Variants in CAMK2D observed in about 807,000 individuals in gnomAD.
CAMK2D encodes the protein calcium/calmodulin-dependent protein kinase type II subunit delta.
In CAMK2D, 37 loss-of-function variants were observed where a neutral mutation model predicts 84.0. That is an observed-to-expected ratio of 0.44 (90% CI 0.34 to 0.58). The LOEUF is 0.58. CAMK2D is among the 20% of genes least tolerant of loss of function. The pLI is 0.02. For missense variants in CAMK2D, 448 were observed against 652.5 expected (o/e 0.69, Z 3.41); for synonymous variants, 202 against 212.5 (o/e 0.95, Z 0.43).
chr4:113,569,384 C>CA (rs2098741443), intron 4 of CAMK2D, among the ~76,000 whole-genome samples: 1 of 152,092 alleles, frequency 6.6e-6, no homozygotes, highest in African/African-American at 2.4e-5. Context: ...ACATTTAGGT[C>CA]TTTGATCCAT....
chr4:113,582,840 T>C (rs1037095312), intron 4 of CAMK2D, among the ~76,000 whole-genome samples: 3 of 152,214 alleles, frequency 2.0e-5, no homozygotes, highest in African/African-American at 7.2e-5. Flanking sequence ...GACCACAGCT[T>C]GCCGATAAAT....
At chr4:113,741,664 A>C (rs904019407) in intron 2 of CAMK2D, among the ~76,000 whole-genome samples, 1 of 152,122 alleles carries the variant, frequency 6.6e-6, no homozygotes, top group African/African-American at 2.4e-5. Context: ...TTTAAAACAA[A>C]ATCCTATCAC....
At chr4:113,710,390 C>G (rs1240617651) in intron 2 of CAMK2D, among the ~76,000 whole-genome samples, 1 of 152,032 alleles carries the variant, frequency 6.6e-6, no homozygotes, top group Non-Finnish European at 1.5e-5. Context: ...AATACAGAGA[C>G]CTTCTGAGCT....
At chr4:113,637,220 G>A (rs963583894) in intron 3 of CAMK2D, among the ~76,000 whole-genome samples, 1 of 152,158 alleles carries the variant, frequency 6.6e-6, no homozygotes, top group Non-Finnish European at 1.5e-5. Flanking sequence ...TATCACAGGT[G>A]TACAGAAGAG....
At chr4:113,657,526 A>G (rs2099206949) in intron 3 of CAMK2D, among the ~76,000 whole-genome samples, 3 of 152,194 alleles carry the variant, frequency 2.0e-5, no homozygotes, top group African/African-American at 7.2e-5. Flanking sequence ...ATATATATAT[A>G]AGATTATAAA....
chr4:113,734,339 T>C (rs924105533), intron 2 of CAMK2D, among the ~76,000 whole-genome samples: 6 of 152,198 alleles, frequency 3.9e-5, no homozygotes, highest in Admixed American at 3.9e-4. Flanking sequence ...TTTCATTTGA[T>C]CTAGTTCAGA....
chr4:113,674,405 A>C (rs1262767442), intron 2 of CAMK2D, among the ~76,000 whole-genome samples: 1 of 152,180 alleles, frequency 6.6e-6, no homozygotes, highest in Non-Finnish European at 1.5e-5. Context: ...TAAGTACTGC[A>C]TCATTTAGAA....
At chr4:113,716,261 AATGTCAAG>A (rs1457002908) in intron 2 of CAMK2D, among the ~76,000 whole-genome samples, 1 of 152,172 alleles carries the variant, frequency 6.6e-6, no homozygotes, top group East Asian at 1.9e-4. Context: ...AAAAAAGACA[AATGTCAAG>A]AGCCAAGTAT....
At chr4:113,696,195 G>GACACACACACAC (rs56784441) in intron 2 of CAMK2D, among the ~76,000 whole-genome samples, 7 of 144,604 alleles carry the variant, frequency 4.8e-5, no homozygotes, top group South Asian at 2.2e-4. Context: ...CAGACACACA[G>GACACACACACAC]ACACACACAC....
At chr4:113,606,995 A>G (rs2098980358) in intron 4 of CAMK2D, among the ~76,000 whole-genome samples, 1 of 152,200 alleles carries the variant, frequency 6.6e-6, no homozygotes, top group Admixed American at 6.5e-5. Flanking sequence ...GTGGCACAAC[A>G]TTGAAAGAAC....
rs776735365 is a variant in CAMK2D at position 113,666,610 on chromosome 4, C to T, written c.161-4838G>A. 9.9e-5 allele frequency among the ~76,000 whole-genome samples: 15 copies of T among 152,068 alleles called. No individual in the cohort carries two copies. The South Asian group carries it at 2.3e-3, about 23-fold the overall frequency. ...ACACACACGCACGCATGCACACACA[C>T]GCACACGCAGGCACACACACATATA... is the stretch of plus-strand genomic sequence containing the variant. On this transcript the variant is annotated intron_variant, in intron 2 of 20. Transcript: ENST00000511664.
At chr4:113,704,803 G>A (rs1013563988) in intron 2 of CAMK2D, among the ~76,000 whole-genome samples, 1 of 151,962 alleles carries the variant, frequency 6.6e-6, no homozygotes, top group Non-Finnish European at 1.5e-5. Context: ...ATAAAGCACT[G>A]AAATTAAATG....
intron 8 of CAMK2D, among the ~76,000 whole-genome samples, chr4:113,528,807 C>G (rs999905301): frequency 6.6e-6 from 1 of 152,136 alleles, no homozygotes; most frequent in African/African-American, 2.4e-5. Flanking sequence ...AGAAACAGAT[C>G]TATGTATGCT....
intron 4 of CAMK2D, among the ~76,000 whole-genome samples, chr4:113,591,672 C>G (rs2098885853): frequency 6.6e-6 from 1 of 152,232 alleles, no homozygotes; most frequent in South Asian, 2.1e-4. Flanking sequence ...CTTCAGTTCT[C>G]AGAGCCTTAC....
chr4:113,482,530 G>A (rs551967123), intron 16 of CAMK2D, among the ~76,000 whole-genome samples: 5 of 152,294 alleles, frequency 3.3e-5, no homozygotes, highest in African/African-American at 7.2e-5. Flanking sequence ...AATGAGTAAT[G>A]CAGTAGTGCA....
At chr4:113,559,060 C>A (rs75517124) in intron 4 of CAMK2D, among the ~76,000 whole-genome samples, 11 of 151,894 alleles carry the variant, frequency 7.2e-5, no homozygotes, top group African/African-American at 2.4e-4. Flanking sequence ...GCATTTCAAA[C>A]GTTATCTGAC....
rs72905969 is a variant in CAMK2D, at chr4:113,520,177, G to A, written c.602-2520C>T. Among the ~76,000 whole-genome samples, 387 of 151,846 alleles carry A rather than the reference G, an allele frequency of 2.5e-3. 2 individuals are homozygous for A. The highest frequency in any genetic ancestry group is 8.7e-3 in the African/African-American group (361 of 41,374). ...TCCAAGCACTTTGGGAGGCCAAAAC[G>A]GGCAAATCACCTGAGGTCAGGTGAT... On this transcript the variant is annotated intron_variant, in intron 8 of 20. Transcript: ENST00000511664.
intron 3 of CAMK2D, among the ~76,000 whole-genome samples, chr4:113,651,606 T>C (rs943115514): frequency 6.6e-6 from 1 of 152,202 alleles, no homozygotes; most frequent in African/African-American, 2.4e-5. Flanking sequence ...TTATCTGATG[T>C]AAGAATTCAT....
At chr4:113,650,517 CAAAAA>C (rs34938947) in intron 3 of CAMK2D, among the ~76,000 whole-genome samples, 4 of 86,930 alleles carry the variant, frequency 4.6e-5, no homozygotes, top group Admixed American at 1.2e-4. Flanking sequence ...AACTCCATCT[CAAAAA>C]AAAAAAAAAA....
Sources: gnomAD v4.1 joint callset for allele counts (sites outside exome capture counted in the v4.1 genomes callset) on GRCh38, gnomAD v4.1.1 for gene constraint, MANE v1.5 for transcripts, NCBI Gene and HGNC (gene_info 2026-07-23, HGNC 2026-07-21) for gene names.